Variants in KCNAB2 observed in about 807,000 individuals in gnomAD.
The protein encoded by KCNAB2 is potassium voltage-gated channel subfamily A regulatory beta subunit 2.
A neutral mutation model predicts 63.6 loss-of-function variants in KCNAB2; 29 were observed. That is an observed-to-expected ratio of 0.46 (90% confidence interval 0.34 to 0.62). The LOEUF (loss-of-function observed/expected upper bound fraction) is 0.62. KCNAB2 is among the 20% of genes least tolerant of loss of function. KCNAB2 has a pLI of 0.01. For missense variants in KCNAB2, 359 were observed against 563.9 expected, an observed-to-expected ratio of 0.64 and a Z score of 3.68; for synonymous variants, 222 against 224.2, an observed-to-expected ratio of 0.99 and a Z score of 0.09.
At chr1:6,080,990 G>C (rs1464303438) in intron 4 of KCNAB2, among the ~76,000 whole-genome samples, 1 of 152,218 alleles carries the variant, frequency 6.6e-6, no homozygotes, top group Admixed American at 6.5e-5. Context: ...GTGACACTCA[G>C]AGGGAAGCAG....
chr1:6,098,469 T>C lies in KCNAB2; in HGVS notation c.1159-16T>C, dbSNP rs775737614. 1 of 1,613,562 alleles carries C rather than the reference T, an allele frequency of 6.2e-7. No homozygotes were observed. The highest frequency in any genetic ancestry group is 8.5e-7 in the Non-Finnish European group (1 of 1,179,716). On this transcript the variant is annotated splice_polypyrimidine_tract_variant and intron_variant, in intron 15 of 15. Transcript: ENST00000378083. The stretch of plus-strand genomic sequence containing the variant: ...TTGTTGGTGGGATTCTGATTTGTTG[T>C]TGTTCTTGCACGCAGGTCCTTCCGA...
In KCNAB2 at chr1:6,096,313, G is replaced by C. The variant is rs771879775; in HGVS notation, c.949-323G>C. ...CTTCTGGGCCACGGGTGGCAGCCGA[G>C]ACCCCAGGCTGCCAAGTTTCCTAAG... On this transcript the variant is annotated intron_variant, in intron 13 of 15. Transcript: ENST00000378083. The surrounding 1 kb of genome is among the most constrained non-coding windows in gnomAD (Gnocchi z 5.9). The C allele has an allele frequency of 6.4e-5, 27 of 421,318 alleles. No homozygotes were observed. Among genetic ancestry groups the C allele is most frequent in the Admixed American group, 1.8e-4 (5 of 28,116 alleles). 26.1% of individuals were successfully genotyped at this position (421,318 alleles called of 1,614,324 possible).
chr1:6,013,667 C>G (rs980739263), intron 1 of KCNAB2, among the ~76,000 whole-genome samples: 1 of 152,182 alleles, frequency 6.6e-6, no homozygotes, highest in African/African-American at 2.4e-5. Context: ...CCCTACACCC[C>G]GCATCTGTCC....
At chr1:6,070,438 G>A (rs547468963) in intron 2 of KCNAB2, among the ~76,000 whole-genome samples, 19 of 152,258 alleles carry the variant, frequency 1.2e-4, no homozygotes, top group Middle Eastern at 3.4e-3. Context: ...GTACAGTTGG[G>A]CTGTTCTCCC....
intron 1 of KCNAB2, among the ~76,000 whole-genome samples, chr1:6,039,729 G>A (rs920626427): frequency 1.3e-5 from 2 of 152,168 alleles, no homozygotes; most frequent in African/African-American, 4.8e-5. Context: ...AGGCTCCCTC[G>A]TTCGTTTGAA....
chr1:6,030,940 G>A (rs1659584094), upstream of KCNAB2, among the ~76,000 whole-genome samples: 1 of 151,782 alleles, frequency 6.6e-6, no homozygotes, highest in Admixed American at 6.6e-5. Flanking sequence ...GTGTGTGTGT[G>A]TGTGTGTTGG....
At chr1:6,082,487 G>A (rs951315987) in intron 5 of KCNAB2, among the ~76,000 whole-genome samples, 9 of 152,178 alleles carry the variant, frequency 5.9e-5, no homozygotes, top group African/African-American at 1.7e-4. Context: ...TGAACTCCCC[G>A]TGGAGCCACC....
Position 6,100,146 on chromosome 1 carries a change from C to A in KCNAB2, c.*1572C>A. ...CACCCTGCCGTCCTGCGGGAGCCTG[C>A]TGTCCAGTCCTGGCCGGGCCAAGGC... On this transcript the variant is annotated 3_prime_UTR_variant, in exon 16 of 16. Coordinates refer to ENST00000378083, the MANE Select transcript of KCNAB2 (RefSeq NM_001199862.2). 7.2e-7 allele frequency: 1 copy of A among 1,392,274 alleles called. No homozygotes were observed. The highest frequency in any genetic ancestry group is 9.4e-7 in the Non-Finnish European group (1 of 1,061,834). 86.2% of individuals were successfully genotyped at this position (1,392,274 alleles called of 1,614,324 possible). A position where few individuals can be genotyped will look rare whatever the true frequency, so the allele number is the denominator to read the frequency against.
chr1:6,015,690 ATTGG>A (rs1557933517), intron 1 of KCNAB2, among the ~76,000 whole-genome samples: 1 of 151,926 alleles, frequency 6.6e-6, no homozygotes. Context: ...TTTTTGGTTG[ATTGG>A]TTGGTTGGTT....
chr1:6,084,581 C>CG (rs1664493969), intron 5 of KCNAB2, among the ~76,000 whole-genome samples: 1 of 152,074 alleles, frequency 6.6e-6, no homozygotes, highest in African/African-American at 2.4e-5. Context: ...TTTGGGAGGC[C>CG]ACAGTGGGCG....
chr1:6,095,875 G>A (rs1279969528), intron 13 of KCNAB2, among the ~76,000 whole-genome samples: 1 of 28,806 alleles, frequency 3.5e-5, no homozygotes, highest in South Asian at 1.2e-3. Flanking sequence ...CCCCCCCCCT[G>A]CCCCCACCAC....
chr1:6,093,441 A>C (rs573989861), intron 10 of KCNAB2, among the ~76,000 whole-genome samples: 140 of 152,358 alleles, frequency 9.2e-4, no homozygotes, highest in Middle Eastern at 3.4e-3. Flanking sequence ...GGGAGCTATA[A>C]CCAGCAGATT....
At chr1:5,997,493 T>A (rs970844452) in intron 1 of KCNAB2, among the ~76,000 whole-genome samples, 2 of 152,134 alleles carry the variant, frequency 1.3e-5, no homozygotes, top group African/African-American at 4.8e-5. Context: ...TGCCCACCTG[T>A]CTGTCTGATT....
chr1:6,031,939 G>T (rs1659656738), upstream of KCNAB2, among the ~76,000 whole-genome samples: 1 of 152,116 alleles, frequency 6.6e-6, no homozygotes, highest in Non-Finnish European at 1.5e-5. This position sits in a 1 kb window ranked among gnomAD's most constrained non-coding sequence, Gnocchi z 4.1. Context: ...AGAGGAAACT[G>T]CCAGCCCTAA....
chr1:6,054,772 T>C (rs1419904222), intron 2 of KCNAB2, among the ~76,000 whole-genome samples: 1 of 152,180 alleles, frequency 6.6e-6, no homozygotes, highest in African/African-American at 2.4e-5. Context: ...GAGGCTGAAA[T>C]GAAGTTACAA....
In KCNAB2 at chr1:6,100,024, T is replaced by C. The variant is rs1347086591; in HGVS notation, c.*1450T>C. On this transcript the variant is annotated 3_prime_UTR_variant, in exon 16 of 16. Transcript: ENST00000378083. ...CCCCACCCCTCGCCAGCTAGCTCCA[T>C]AGGGAAGCCTGTGTCTCCTGCCCCC... 4.6e-6 allele frequency: 7 copies of C among 1,527,190 alleles called. No homozygotes were observed. In the East Asian group the frequency reaches 1.5e-4, roughly 32 times the overall value. The allele number at this position is 1,527,190 out of a possible 1,614,324, so 94.6% of individuals were successfully genotyped here. A position where few individuals can be genotyped will look rare whatever the true frequency, so the allele number is the denominator to read the frequency against.
In KCNAB2 at chr1:5,995,618, G is replaced by A. The variant is rs189198270; in HGVS notation, c.-53+2830G>A. 8.5e-5 allele frequency among the ~76,000 whole-genome samples: 13 copies of A among 152,292 alleles called. No homozygotes were observed. The East Asian group carries it at 2.3e-3, about 27-fold the overall frequency. ...CCCTGGTGCAAGGGTACTGTTGTTC[G>A]TGGCCTTCAAAGAGATGGCCCCATA... On this transcript the variant is annotated intron_variant, in intron 1 of 16. Coordinates refer to the KCNAB2 transcript ENST00000341524.
intron 6 of KCNAB2, among the ~76,000 whole-genome samples, 162 bp downstream of exon 6, chr1:6,085,410 G>A (rs1398777084): frequency 6.6e-6 from 1 of 152,126 alleles, no homozygotes; most frequent in African/African-American, 2.4e-5. Context: ...AAGAGTAGGA[G>A]GTGACTCTGC....
At chr1:6,038,491 G>A (rs1170667759) in intron 1 of KCNAB2, among the ~76,000 whole-genome samples, 1 of 151,710 alleles carries the variant, frequency 6.6e-6, no homozygotes, top group Non-Finnish European at 1.5e-5. Context: ...GTAGAGACTG[G>A]GTCTCTACAA....
Sources: gnomAD v4.1 joint callset for allele counts (sites outside exome capture counted in the v4.1 genomes callset) on GRCh38, gnomAD v4.1.1 for gene constraint, Gnocchi (gnomAD v3.1) non-coding constraint, MANE v1.5 for transcripts, NCBI Gene and HGNC (gene_info 2026-07-23, HGNC 2026-07-21) for gene names.